Variants in VSIG10L2 observed in about 807,000 individuals in gnomAD.
VSIG10L2 encodes V-set and immunoglobulin domain containing 10 like 2.
Under a neutral mutation model 67.1 loss-of-function variants are expected in VSIG10L2, and 56 were observed. That is an observed-to-expected ratio of 0.83 (90% CI 0.67 to 1.04). The LOEUF is 1.04. VSIG10L2 is among the 50% of genes least tolerant of loss of function. The pLI is 0.00. For missense variants in VSIG10L2, 843 were observed against 932.8 expected, an observed-to-expected ratio of 0.90 and a Z score of 1.25; for synonymous variants, 360 against 396.6, an observed-to-expected ratio of 0.91 and a Z score of 1.10.
chr11:125,950,384 C>A (rs1015965922), intron 4 of VSIG10L2, 95 bp downstream of exon 4: 4 of 1,178,040 alleles, frequency 3.4e-6, no homozygotes, highest in Non-Finnish European at 4.3e-6. Flanking sequence ...CCCGCCGTCC[C>A]GTGGAGAGGC....
In VSIG10L2 at chr11:125,947,627, G is replaced by A. The variant is rs570337181; in HGVS notation, c.83-59G>A. 10 of 1,232,012 alleles carry A rather than the reference G, an allele frequency of 8.1e-6. No individual in the cohort carries two copies. The South Asian group carries it at 3.7e-4, about 46-fold the overall frequency. 76.3% of individuals were successfully genotyped at this position (1,232,012 alleles called of 1,614,324 possible). A position where few individuals can be genotyped will look rare whatever the true frequency, so the allele number is the denominator to read the frequency against. ...AAAAAGAGAGGCTCCAGGCAAGGCA[G>A]GGAGTGCAGGAGAGCCCAGAGCAGC... On this transcript the variant is annotated intron_variant, in intron 1 of 11. Transcript: ENST00000686984.
chr11:125,952,195 G>C, intron 6 of VSIG10L2, 122 bp downstream of exon 6: 1 of 1,315,796 alleles, frequency 7.6e-7, no homozygotes, highest in South Asian at 1.6e-5. Context: ...GTGCGGACGG[G>C]GAAGCTAGGA....
At chr11:125,951,666 C>A in intron 5 of VSIG10L2, 147 bp from the exon 6 acceptor site, 1 of 781,958 alleles carries the variant, frequency 1.3e-6, no homozygotes, top group Non-Finnish European at 2.0e-6. Context: ...GGCACATGAT[C>A]AATAAATGAT....
chr11:125,954,555 C>T (rs1893040), intron 8 of VSIG10L2, among the ~76,000 whole-genome samples, 172 bp downstream of exon 8: 38,802 of 152,018 alleles, frequency 0.26, 5,361 homozygotes, highest in Non-Finnish European at 0.31. Context: ...ATAATCTCCA[C>T]GACTCTTTCC....
At chr11:125,949,895 G>A (rs1945342963) in intron 3 of VSIG10L2, 119 bp from the exon 4 acceptor site, 6 of 1,052,286 alleles carry the variant, frequency 5.7e-6, no homozygotes, top group Non-Finnish European at 7.3e-6. Context: ...GCCTTGGGGT[G>A]GACACGGGCC....
intron 3 of VSIG10L2, among the ~76,000 whole-genome samples, chr11:125,949,785 AG>A (rs1945341164): frequency 6.6e-6 from 1 of 152,172 alleles, no homozygotes; most frequent in Admixed American, 6.5e-5. Context: ...GAGTCCCTCC[AG>A]GAAGTGCCCA....
chr11:125,954,061 CTTG>C (rs1945416637), intron 7 of VSIG10L2, 23 bp from the exon 8 acceptor site: 1 of 1,231,966 alleles, frequency 8.1e-7, no homozygotes, highest in Non-Finnish European at 1.0e-6. Context: ...ATACATGTCC[CTTG>C]TTTTGTCCCC....
chr11:125,953,263 C>G, intron 6 of VSIG10L2, 137 bp from the exon 7 acceptor site: 1 of 672,120 alleles, frequency 1.5e-6, no homozygotes, highest in East Asian at 3.4e-5. Context: ...GAAGAGAAGG[C>G]AGACTGGCCC....
chr11:125,955,638 G>C lies in VSIG10L2; in HGVS notation c.2255G>C (p.Gly752Ala). The C allele has an allele frequency of 6.5e-7, 1 of 1,531,852 alleles. No homozygotes were observed. The highest frequency in any genetic ancestry group is 8.7e-7 in the Non-Finnish European group (1 of 1,144,880). The allele number at this position is 1,531,852 out of a possible 1,614,324, so 94.9% of individuals were successfully genotyped here. Residue 752 changes from glycine (G) to alanine (A), a missense_variant, in exon 11 of 12, where the codon GGT becomes GCT. By Grantham distance (60) the Gly-to-Ala change is moderately conservative. Coordinates refer to ENST00000686984, the MANE Select transcript of VSIG10L2 (RefSeq NM_001365077.2). Reference sequence around the variant, plus strand: ...AGGGAGCAAAGGCACCAACAGAGGGGTTCCAGAGAAGATGCTGAGGCACCG... The same window carrying C: ...AGGGAGCAAAGGCACCAACAGAGGGCTTCCAGAGAAGATGCTGAGGCACCG... Reference protein sequence around the residue: ...VPTEQRHQQRGSREDAEAPAG... With the variant: ...VPTEQRHQQRASREDAEAPAG...
At chr11:125,954,964 G>A (rs185522525) in intron 8 of VSIG10L2, 93 bp from the exon 9 acceptor site, 138 of 1,201,470 alleles carry the variant, frequency 1.1e-4, no homozygotes, top group Admixed American at 1.3e-4. Context: ...GCAGGGCACC[G>A]CTTCTCCAGA....
At position 125,955,133 on chromosome 11, in the gene VSIG10L2, T is replaced by C. The variant is rs986653988; in HGVS notation, c.2160T>C (p.Ser720=). Residue 720 remains serine, a synonymous_variant, in exon 9 of 12, where the codon TCT becomes TCC. Coordinates refer to ENST00000686984, the MANE Select transcript of VSIG10L2 (RefSeq NM_001365077.2). Reference sequence around the variant, plus strand: ...GAATGGTGGTAGCAACGGTGGCCTCTCTACTGGTGTTCCAGTATGCTGCCC... The same window carrying C: ...GAATGGTGGTAGCAACGGTGGCCTCCCTACTGGTGTTCCAGTATGCTGCCC... The part of the protein sequence containing the change: ...GTGMVVATVA[S]LLVFQYAARH... 1.6e-5 allele frequency: 20 copies of C among 1,244,462 alleles called. No homozygotes were observed. The African/African-American group carries it at 2.9e-4, about 18-fold the overall frequency. 77.1% of individuals were successfully genotyped at this position (1,244,462 alleles called of 1,614,324 possible). A position where few individuals can be genotyped will look rare whatever the true frequency, so the allele number is the denominator to read the frequency against.
Position 125,956,316 on chromosome 11 carries a change from C to A in VSIG10L2, c.*402C>A. On this transcript the variant is annotated 3_prime_UTR_variant, in exon 12 of 12. Transcript: ENST00000686984. The stretch of plus-strand genomic sequence containing the variant: ...AAATAAATCAGAGCTGATGTTCACG[C>A]CAATAGAGGGCTACTTCCATTGCGA... The A allele has an allele frequency of 1.3e-6, 1 of 788,700 alleles. No homozygotes were observed. Among genetic ancestry groups the A allele is most frequent in the Non-Finnish European group, 1.9e-6 (1 of 530,262 alleles). 48.9% of individuals were successfully genotyped at this position (788,700 alleles called of 1,614,324 possible).
intron 8 of VSIG10L2, among the ~76,000 whole-genome samples, chr11:125,954,677 A>G (rs534335108): frequency 1.6e-4 from 25 of 152,000 alleles, no homozygotes; most frequent in Non-Finnish European, 3.4e-4. Flanking sequence ...ACAGGAGCCG[A>G]CTCTGTGCCT....
At chr11:125,951,231 G>C (rs920327678) in intron 5 of VSIG10L2, 73 bp downstream of exon 5, 1 of 1,228,670 alleles carries the variant, frequency 8.1e-7, no homozygotes, top group African/African-American at 1.6e-5. Flanking sequence ...GGTAGAGGCG[G>C]GGGGCCTGGG....
intron 1 of VSIG10L2, among the ~76,000 whole-genome samples, chr11:125,947,174 T>C (rs1393421829): frequency 2.0e-5 from 3 of 151,998 alleles, no homozygotes; most frequent in Non-Finnish European, 2.9e-5. Flanking sequence ...TGGAACAGGG[T>C]GGGAGGGAGC....
intron 3 of VSIG10L2, 82 bp downstream of exon 3, chr11:125,948,662 C>A: frequency 8.2e-7 from 1 of 1,212,822 alleles, no homozygotes; most frequent in Non-Finnish European, 1.0e-6. Context: ...CCTCAGAACT[C>A]CCCAAATCCC....
chr11:125,950,320 C>T, intron 4 of VSIG10L2, 31 bp downstream of exon 4: 1 of 1,232,286 alleles, frequency 8.1e-7, no homozygotes, highest in Non-Finnish European at 1.0e-6. Context: ...ACGCCCAGAC[C>T]TGTCCTGGGG....
At chr11:125,947,609 G>C (rs1194760239) in intron 1 of VSIG10L2, 77 bp from the exon 2 acceptor site, 1 of 1,231,658 alleles carries the variant, frequency 8.1e-7, no homozygotes, top group Non-Finnish European at 1.0e-6. Flanking sequence ...ACCAAAAAGA[G>C]AGGCTCCAGG....
chr11:125,950,836 C>A, intron 4 of VSIG10L2, 74 bp from the exon 5 acceptor site: 2 of 1,226,740 alleles, frequency 1.6e-6, no homozygotes, highest in East Asian at 6.3e-5. Flanking sequence ...CCTCCAGACT[C>A]CCCTGCCTGG....
Sources: allele counts gnomAD v4.1 joint callset (sites outside exome capture counted in the v4.1 genomes callset), GRCh38; gene constraint gnomAD v4.1.1; transcripts MANE v1.5; gene names NCBI Gene and HGNC (gene_info 2026-07-23, HGNC 2026-07-21).